DNAH1: variants seen among roughly 807,000 people sequenced by gnomAD.
The protein encoded by DNAH1 is dynein axonemal heavy chain 1, also known as axonemal beta dynein heavy chain 1.
A neutral mutation model predicts 484.3 loss-of-function variants in DNAH1; 327 were observed. That is an observed-to-expected ratio of 0.68 (90% CI 0.62 to 0.74). The LOEUF is 0.74. Among genes scored for constraint, DNAH1 ranks in the 30% least tolerant of loss-of-function variants. The pLI is 0.00. For synonymous variants in DNAH1, 2,192 were observed against 2,191.9 expected, an observed-to-expected ratio of 1.00 and a Z score of 0.00; for missense variants, 5,052 against 5,546.8, an observed-to-expected ratio of 0.91 and a Z score of 2.83.
chr3:52,376,512 T>G (rs1230921937), intron 46 of DNAH1, among the ~76,000 whole-genome samples: 4 of 152,196 alleles, frequency 2.6e-5, no homozygotes, highest in African/African-American at 9.7e-5. Context: ...ACCTGCGCCC[T>G]GCCTTCCCTC....
At position 52,385,626 on chromosome 3, in the gene DNAH1, A is replaced by G. The variant is rs552668040; in HGVS notation, c.8625+179A>G. ...GGAATGTTTGCCCAGTAGCTCTTCT[A>G]TGCCAGGCACTGCACTGGGCAGGGG... On this transcript the variant is annotated intron_variant, in intron 54 of 77. Transcript: ENST00000420323. 7.9e-5 allele frequency among the ~76,000 whole-genome samples: 12 copies of G among 152,354 alleles called. No individual in the cohort carries two copies. The South Asian group carries it at 2.5e-3, about 32-fold the overall frequency.
intron 59 of DNAH1, 143 bp from the exon 60 acceptor site, chr3:52,389,318 C>A (rs889575604): frequency 1.6e-6 from 2 of 1,266,580 alleles, no homozygotes; most frequent in Non-Finnish European, 2.2e-6. Flanking sequence ...AAGAAAGTCA[C>A]CCGAAGTGGG....
chr3:52,348,380 G>A (rs539761727), intron 12 of DNAH1, among the ~76,000 whole-genome samples: 30 of 152,140 alleles, frequency 2.0e-4, no homozygotes, highest in Non-Finnish European at 4.3e-4. Flanking sequence ...ATCCCACCCA[G>A]CTCTTGGCCT....
At position 52,356,539 on chromosome 3, in the gene DNAH1, C is replaced by T. The variant is rs66462821; in HGVS notation, c.3694-75C>T. 284,860 of 1,492,094 alleles carry T rather than the reference C, an allele frequency of 0.19. 34,413 individuals carry two copies. Among genetic ancestry groups the T allele is most frequent in the African/African-American group, 0.58 (41,804 of 72,344 alleles). The allele number at this position is 1,492,094 out of a possible 1,614,324, so 92.4% of individuals were successfully genotyped here. On this transcript the variant is annotated intron_variant, in intron 21 of 77. Transcript: ENST00000420323. ...CAACATGCTGGTGGGGTGAAATGTC[C>T]CAGTCATTGGGACAAACCCCAGCTT...
rs778045529 is a variant in DNAH1 at position 52,366,804 on chromosome 3, G to C, written c.5682G>C (p.Glu1894Asp). ...CATCCATCAGTGGTGGCATGTACGA[G>C]GCTGTCAACTACTACGTGCTCAACC... ...GQPSISGGMY[E>D]AVNYYVLNPK... The change falls in exon 36 of 78, where the codon GAG becomes GAC. Residue 1894 changes from glutamate (E) to aspartate (D), a missense_variant. By Grantham distance (45) the Glu-to-Asp change is conservative. This residue lies in a region of DNAH1 where 2,929 missense variants were observed against 3,409.4 expected (regional missense o/e 0.86). Transcript: ENST00000420323. 1.2e-6 allele frequency: 2 copies of C among 1,613,840 alleles called. No individual in the cohort carries two copies. Among genetic ancestry groups the C allele is most frequent in the South Asian group, 2.2e-5 (2 of 91,084 alleles).
chr3:52,386,862 G>A lies in DNAH1; in HGVS notation c.9003+9G>A, dbSNP rs1484966451. On this transcript the variant is annotated intron_variant, in intron 56 of 77. Transcript: ENST00000420323. ...TCTTCAAGTTTGACAAGGTAAGCAT[G>A]CCAGGCACCCTGGCCAGCCAGCGAG... is the stretch of plus-strand genomic sequence containing the variant. 3.9e-6 allele frequency: 6 copies of A among 1,547,338 alleles called. No individual in the cohort carries two copies. The Admixed American group carries it at 1.2e-4, about 31-fold the overall frequency.
At position 52,388,906 on chromosome 3, in the gene DNAH1, C is replaced by T. The variant is rs1704242892; in HGVS notation, c.9464C>T (p.Ala3155Val). 3 of 1,611,310 alleles carry T rather than the reference C, an allele frequency of 1.9e-6. No individual in the cohort carries two copies. Among genetic ancestry groups the T allele is most frequent in the Admixed American group, 1.7e-5 (1 of 59,920 alleles). The change falls in exon 59 of 78, where the codon GCT becomes GTT. Residue 3155 changes from alanine to valine, a missense_variant. Transcript: ENST00000420323. Reference sequence around the variant, plus strand: ...ATCTCCGGCGATGTCCTGGTGGCCGCTGGCTTTGTGGCCTACCTGGGCCCC... The same window carrying T: ...ATCTCCGGCGATGTCCTGGTGGCCGTTGGCTTTGTGGCCTACCTGGGCCCC... ...NNISGDVLVA[A>V]GFVAYLGPFT... is the part of the protein sequence containing the mutation.
In DNAH1 at chr3:52,396,948, CT is replaced by C; in HGVS notation, c.11693del (p.Leu3898TrpfsTer90). 6.2e-7 allele frequency: 1 copy of C among 1,612,968 alleles called. No individual in the cohort carries two copies. The highest frequency in any genetic ancestry group is 8.5e-7 in the Non-Finnish European group (1 of 1,179,582). On this transcript the variant is annotated frameshift_variant, in exon 73 of 78. Transcript: ENST00000420323. LOFTEE classifies it high-confidence loss of function. ...GGGACCGGCGCTGCATCATGAACAT[CT>C]TGGAGGACTTCTACAACCCTGACGT... ...DWDRRCIMNI[L>X]EDFYNPDVLS...
At position 52,400,263 on chromosome 3, in the gene DNAH1, C is replaced by A. The variant is rs145385309; in HGVS notation, c.12677-62C>A. On this transcript the variant is annotated intron_variant, in intron 77 of 77. Transcript: ENST00000420323. ...TAGTCTGCCCACTGCCCTGCCCCTA[C>A]GCTATCCCTGCTAGTAGTAATAGGG... 3.1e-6 allele frequency: 5 copies of A among 1,601,632 alleles called. No homozygotes were observed. In the African/African-American group the frequency reaches 6.7e-5, roughly 21 times the overall value.
At position 52,359,281 on chromosome 3, in the gene DNAH1, C is replaced by T. The variant is rs1013080597; in HGVS notation, c.4302C>T (p.Gly1434=). 1 of 1,568,540 alleles carries T rather than the reference C, an allele frequency of 6.4e-7. No homozygotes were observed. The highest frequency in any genetic ancestry group is 8.7e-7 in the Non-Finnish European group (1 of 1,156,012). Residue 1434 remains glycine (G), a synonymous_variant, in exon 26 of 78, where the codon GGC becomes GGT. Transcript: ENST00000420323. ...PRTQWVLNWP[G]QVTIAGCQTY... Reference sequence around the variant, plus strand: ...CCCAGTGGGTTCTGAACTGGCCTGGCCAGGTGACCATCGCTGGGTGCCAGA... The same window carrying T: ...CCCAGTGGGTTCTGAACTGGCCTGGTCAGGTGACCATCGCTGGGTGCCAGA...
In DNAH1 at chr3:52,352,025, T is replaced by A; in HGVS notation, c.2793T>A (p.His931Gln). Residue 931 changes from histidine (H) to glutamine (Q), a missense_variant, in exon 17 of 78, where the codon CAT (histidine) becomes CAA (glutamine). His to Gln is a conservative substitution (Grantham distance 24, BLOSUM62 0). Around this residue, in one of 4 missense-constraint regions of DNAH1, gnomAD observed 1,263 missense variants for 1,218.8 expected, o/e 1.04. Transcript: ENST00000420323. The stretch of plus-strand genomic sequence containing the variant: ...AGATAGAGCTGGTGCAGCAGCAGCA[T>A]GTGGAGGATGAGGAGAAGTTCCGCA... ...LGQIELVQQQ[H>Q]VEDEEKFRKI... The A allele has an allele frequency of 6.3e-7, 1 of 1,598,052 alleles. No individual in the cohort carries two copies. The highest frequency in any genetic ancestry group is 2.3e-5 in the East Asian group (1 of 44,252).
intron 1 of DNAH1, among the ~76,000 whole-genome samples, chr3:52,320,611 A>T (rs952962897): frequency 5.3e-5 from 8 of 152,134 alleles, no homozygotes; most frequent in Non-Finnish European, 7.4e-5. Flanking sequence ...CCCTGCCATG[A>T]TCCATCAGGA....
intron 6 of DNAH1, among the ~76,000 whole-genome samples, chr3:52,329,800 G>C (rs1379149137): frequency 6.6e-6 from 1 of 151,560 alleles, no homozygotes; most frequent in African/African-American, 2.4e-5. Flanking sequence ...ACTCCAGCCT[G>C]GGCAACAGAG....
intron 56 of DNAH1, 36 bp downstream of exon 56, chr3:52,386,889 G>A (rs1482267271): frequency 1.3e-6 from 2 of 1,512,058 alleles, no homozygotes; most frequent in African/African-American, 1.4e-5. Context: ...GCCAGCGAGT[G>A]AGGACAAGGC....
At chr3:52,366,638 C>T in intron 35 of DNAH1, 90 bp downstream of exon 35, 3 of 1,553,300 alleles carry the variant, frequency 1.9e-6, no homozygotes, top group Non-Finnish European at 1.7e-6. Flanking sequence ...CATTTGTGCC[C>T]CTTGGCATAG....
At chr3:52,375,756 A>G (rs1241699484) in intron 45 of DNAH1, among the ~76,000 whole-genome samples, 199 bp from the exon 46 acceptor site, 2 of 152,164 alleles carry the variant, frequency 1.3e-5, no homozygotes, top group Non-Finnish European at 2.9e-5. Flanking sequence ...ACTTGCCCAG[A>G]AACTCTGGGG....
intron 12 of DNAH1, 107 bp from the exon 13 acceptor site, chr3:52,348,781 T>A: frequency 2.4e-6 from 3 of 1,257,372 alleles, no homozygotes; most frequent in Non-Finnish European, 3.4e-6. Flanking sequence ...TCAGGCCACA[T>A]CCTGCCCCTG....
chr3:52,388,173 A>T lies in DNAH1; in HGVS notation c.9010A>T (p.Ile3004Phe). The change falls in exon 57 of 78, where the codon ATT becomes TTT. Residue 3004 changes from isoleucine (I) to phenylalanine (F), a missense_variant. Transcript: ENST00000420323. The part of the protein sequence containing the change: ...ESLFKFDKDN[I>F]GDVVIKAIQP... ...CCCAGGCTTCCCACCTCAGGACAAC[A>T]TTGGGGATGTGGTGATCAAAGCCAT... 1 of 1,608,964 alleles carries T rather than the reference A, an allele frequency of 6.2e-7. No homozygotes were observed. Among genetic ancestry groups the T allele is most frequent in the Non-Finnish European group, 8.5e-7 (1 of 1,177,852 alleles).
chr3:52,391,117 G>A (rs1578198122), intron 61 of DNAH1, 62 bp from the exon 62 acceptor site: 1 of 1,607,570 alleles, frequency 6.2e-7, no homozygotes, highest in South Asian at 1.1e-5. Flanking sequence ...GCAGTGGTGA[G>A]CCGCAGAGCC....
Sources: allele counts gnomAD v4.1 joint callset (sites outside exome capture counted in the v4.1 genomes callset), GRCh38; gene constraint gnomAD v4.1.1; regional missense constraint gnomAD v4.1.1; transcripts MANE v1.5; gene names NCBI Gene and HGNC (gene_info 2026-07-23, HGNC 2026-07-21).